KIF15: variants seen among roughly 807,000 people sequenced by gnomAD.
KIF15 encodes the protein kinesin-like protein KIF15.
In KIF15, 140 loss-of-function variants were observed where a neutral mutation model predicts 190.6. The observed-to-expected ratio is 0.73, with a 90% confidence interval of 0.64 to 0.84. The LOEUF is 0.84. Ranked by LOEUF, KIF15 falls within the 40% of genes least tolerant of loss-of-function variation. The pLI is 0.00. For synonymous variants in KIF15, 528 were observed against 551.3 expected, an observed-to-expected ratio of 0.96 and a Z score of 0.59; for missense variants, 1,372 against 1,584.4, an observed-to-expected ratio of 0.87 and a Z score of 2.28.
chr3:44,771,299 C>T (rs1041353773), intron 1 of KIF15, among the ~76,000 whole-genome samples: 20 of 151,920 alleles, frequency 1.3e-4, no homozygotes, highest in South Asian at 2.1e-4. Context: ...TGGGACTCCT[C>T]GGAAAAAACA....
At chr3:44,802,239 T>G (rs1559546984) in intron 13 of KIF15, among the ~76,000 whole-genome samples, 1 of 152,244 alleles carries the variant, frequency 6.6e-6, no homozygotes, top group African/African-American at 2.4e-5. Context: ...GCAGTTGTGG[T>G]TATCTGAGTC....
At chr3:44,837,732 A>G (rs1698396414) in intron 26 of KIF15, among the ~76,000 whole-genome samples, 1 of 152,184 alleles carries the variant, frequency 6.6e-6, no homozygotes, top group South Asian at 2.1e-4. Context: ...CTGTGTACAT[A>G]GAAATTATGT....
chr3:44,772,138 A>G (rs1206026313), intron 1 of KIF15, among the ~76,000 whole-genome samples: 1 of 152,206 alleles, frequency 6.6e-6, no homozygotes, highest in African/African-American at 2.4e-5. Flanking sequence ...ACACAGCCAG[A>G]AGAAGATCCA....
intron 23 of KIF15, among the ~76,000 whole-genome samples, chr3:44,827,810 G>A (rs1221934961): frequency 6.6e-6 from 1 of 152,122 alleles, no homozygotes; most frequent in Non-Finnish European, 1.5e-5. Flanking sequence ...AGCCTCTCGA[G>A]TAGCTGGGAC....
Position 44,841,242 on chromosome 3 carries a change from A to ATTGGAT in KIF15, c.3585+7_3585+12dup. 6.3e-7 allele frequency: 1 copy of ATTGGAT among 1,589,646 alleles called. No homozygotes were observed. The highest frequency in any genetic ancestry group is 8.5e-7 in the Non-Finnish European group (1 of 1,172,182). ...TGCTGAAATCCTCAGAATGAAGGTA[A>ATTGGAT]TTGGATTTTTTTTCCAGTAAATTTA... On this transcript the variant is annotated splice_donor_region_variant and intron_variant, in intron 29 of 34. Transcript: ENST00000326047.
chr3:44,771,052 G>A (rs1381214107), intron 1 of KIF15, among the ~76,000 whole-genome samples: 1 of 152,142 alleles, frequency 6.6e-6, no homozygotes, highest in African/African-American at 2.4e-5. Flanking sequence ...TCAGAAACCT[G>A]CATTTGAGAG....
rs549808116 is a variant in KIF15 at position 44,812,098 on chromosome 3, T to G, written c.2170-84T>G. 2.3e-5 allele frequency: 23 copies of G among 1,002,430 alleles called. 2 individuals are homozygous for G. Among genetic ancestry groups the G allele is most frequent in the Middle Eastern group, 4.6e-4 (2 of 4,388 alleles). The allele number at this position is 1,002,430 out of a possible 1,614,324, so 62.1% of individuals were successfully genotyped here. On this transcript the variant is annotated intron_variant, in intron 17 of 34. Coordinates refer to ENST00000326047, the MANE Select transcript of KIF15 (RefSeq NM_020242.3). ...TTGAATTTGTTTTGTTTTGTTTTGT[T>G]GTCTCTTTAATGCAGACGAAATGGT...
rs34058914 is a variant in KIF15, at chr3:44,815,014, G to A, written c.2487G>A (p.Glu829=). ...ATAGTTCATTCAAAACGAATCAGGA[G>A]AAAGAATTCAACAAACTTTCCGAAA... ...LEYSSFKTNQ[E]KEFNKLSERH... The change falls in exon 20 of 35, where the codon GAG becomes GAA. Residue 829 remains glutamate (E), a synonymous_variant. Transcript: ENST00000326047. 6.2e-7 allele frequency: 1 copy of A among 1,612,180 alleles called. No individual in the cohort carries two copies. Among genetic ancestry groups the A allele is most frequent in the African/African-American group, 1.3e-5 (1 of 74,800 alleles).
intron 6 of KIF15, among the ~76,000 whole-genome samples, chr3:44,860,363 T>G (rs1316017644): frequency 6.6e-6 from 1 of 152,018 alleles, no homozygotes; most frequent in African/African-American, 2.4e-5. Context: ...ATATTGGCGT[T>G]ACTGAAATTA....
intron 8 of KIF15, among the ~76,000 whole-genome samples, chr3:44,794,688 G>A (rs1328371909): frequency 1.3e-5 from 2 of 152,072 alleles, no homozygotes; most frequent in East Asian, 1.9e-4. Context: ...TTAGCCGGGC[G>A]CGGTGGCTCA....
downstream of KIF15, among the ~76,000 whole-genome samples, chr3:44,856,697 G>GATGCCT (rs1426667678): frequency 6.6e-6 from 1 of 152,156 alleles, no homozygotes. Context: ...GATAGGATCT[G>GATGCCT]ATGCCTTTTG....
intron 7 of KIF15, among the ~76,000 whole-genome samples, chr3:44,788,987 A>G (rs938134064): frequency 2.6e-5 from 4 of 152,348 alleles, no homozygotes; most frequent in South Asian, 2.1e-4. Context: ...GTTTTCAAGT[A>G]TATTGGCATA....
chr3:44,841,580 A>G (rs187287047), intron 29 of KIF15, among the ~76,000 whole-genome samples: 1 of 151,904 alleles, frequency 6.6e-6, no homozygotes, highest in Admixed American at 6.5e-5. Context: ...TGTATTTTCT[A>G]GTAGAGACGG....
chr3:44,845,703 A>T (rs185462826), intron 30 of KIF15, among the ~76,000 whole-genome samples: 2 of 152,188 alleles, frequency 1.3e-5, no homozygotes, highest in East Asian at 3.9e-4. Flanking sequence ...CATGCCTATA[A>T]TATACCTTAT....
chr3:44,775,460 C>CT (rs10574346), intron 3 of KIF15, 23 bp downstream of exon 3: 56,535 of 1,320,078 alleles, frequency 0.043, no homozygotes, highest in Non-Finnish European at 0.05. Flanking sequence ...AGAAACTTAA[C>CT]TTTTTTTTTT....
chr3:44,775,520 A>G, intron 3 of KIF15, 83 bp downstream of exon 3: 1 of 1,021,806 alleles, frequency 9.8e-7, no homozygotes, highest in South Asian at 1.7e-5. Flanking sequence ...CAGTGGCATG[A>G]TCTCGGCTCA....
chr3:44,831,043 CTT>C, intron 26 of KIF15, 25 bp downstream of exon 26: 1 of 1,604,968 alleles, frequency 6.2e-7, no homozygotes, highest in Non-Finnish European at 8.5e-7. Context: ...ATCACAGCTT[CTT>C]TGTTTGCCTT....
intron 5 of KIF15, among the ~76,000 whole-genome samples, chr3:44,781,664 G>C (rs1224339299): frequency 6.6e-6 from 1 of 152,154 alleles, no homozygotes; most frequent in Non-Finnish European, 1.5e-5. Flanking sequence ...GTAGTATATG[G>C]AAGTTCCAGT....
intron 8 of KIF15, among the ~76,000 whole-genome samples, chr3:44,796,053 G>A (rs1456035568): frequency 6.6e-6 from 1 of 152,064 alleles, no homozygotes; most frequent in East Asian, 1.9e-4. Flanking sequence ...AATAGAGATG[G>A]GGTTTCACCA....
Sources: allele counts gnomAD v4.1 joint callset (sites outside exome capture counted in the v4.1 genomes callset), GRCh38; gene constraint gnomAD v4.1.1; transcripts MANE v1.5; gene names NCBI Gene and HGNC (gene_info 2026-07-23, HGNC 2026-07-21).